Variants in KAZN observed in about 807,000 individuals in gnomAD.
The protein encoded by KAZN is kazrin, periplakin interacting protein, also known as kazrin.
A neutral mutation model predicts 87.4 loss-of-function variants in KAZN; 40 were observed. That is an observed-to-expected ratio of 0.46 (90% CI 0.36 to 0.60). The LOEUF is 0.60. Among genes scored for constraint, KAZN ranks in the 20% least tolerant of loss-of-function variants. The pLI, the probability that KAZN is intolerant of heterozygous loss-of-function variation, is 0.00. For missense variants in KAZN, 898 were observed against 1,073.9 expected, an observed-to-expected ratio of 0.84 and a Z score of 2.29; for synonymous variants, 466 against 458.3, an observed-to-expected ratio of 1.02 and a Z score of -0.22.
At chr1:14,763,753 T>C (rs888058099) in intron 1 of KAZN, among the ~76,000 whole-genome samples, 5 of 152,184 alleles carry the variant, frequency 3.3e-5, no homozygotes, top group African/African-American at 1.2e-4. Flanking sequence ...TTTTATTTTA[T>C]GTTATTTTTT....
chr1:14,233,961 T>C lies in KAZN; in HGVS notation c.249+53369T>C, dbSNP rs555860831. 2.0e-5 allele frequency among the ~76,000 whole-genome samples: 3 copies of C among 152,302 alleles called. No homozygotes were observed. In the South Asian group the frequency reaches 6.2e-4, roughly 32 times the overall value. On this transcript the variant is annotated intron_variant, in intron 2 of 16. Transcript: ENST00000636203. ...TTTACACTGTTAGTAGGAGTGTAAA[T>C]TAGTTCAACCATTGTGCAAGACAGT...
At chr1:14,389,848 CTA>C (rs913325925) in intron 2 of KAZN, among the ~76,000 whole-genome samples, 36 of 151,664 alleles carry the variant, frequency 2.4e-4, no homozygotes, top group African/African-American at 7.5e-4. Flanking sequence ...TTAAAAATAA[CTA>C]AAAGAGTAAA....
intron 1 of KAZN, among the ~76,000 whole-genome samples, chr1:14,868,581 G>T (rs1651792044): frequency 6.6e-6 from 1 of 151,794 alleles, no homozygotes; most frequent in Non-Finnish European, 1.5e-5. Flanking sequence ...GGGTGAACTG[G>T]AGTCTTGTAG....
intron 1 of KAZN, among the ~76,000 whole-genome samples, chr1:14,910,090 A>AATGAATGAATGAATGC (rs1557611657): frequency 6.6e-6 from 1 of 152,084 alleles, no homozygotes; most frequent in South Asian, 2.1e-4. Flanking sequence ...TGAATGAATG[A>AATGAATGAATGAATGC]ATGCCTGGCC....
chr1:14,232,456 C>G (rs764581198), intron 2 of KAZN, among the ~76,000 whole-genome samples: 9 of 152,152 alleles, frequency 5.9e-5, no homozygotes, highest in Non-Finnish European at 1.2e-4. Flanking sequence ...GAAGACCCTA[C>G]TCCATTTTCT....
Position 14,598,780 on chromosome 1 carries a change from C to T in KAZN, c.-218C>T, listed in dbSNP as rs990338333. The T allele has an allele frequency of 1.8e-4, 249 of 1,348,160 alleles. 2 individuals carry two copies. The East Asian group carries it at 7.5e-3, about 41-fold the overall frequency. The allele number at this position is 1,348,160 out of a possible 1,614,324, so 83.5% of individuals were successfully genotyped here. The stretch of plus-strand genomic sequence containing the variant: ...TCCTCTTTTTTCTCCTCCGCCTCCT[C>T]CCCCCGCCGCCTCGCCACCGCCGCG... On this transcript the variant is annotated 5_prime_UTR_variant, in exon 1 of 15. Coordinates refer to ENST00000376030, the MANE Select transcript of KAZN (RefSeq NM_201628.3). The surrounding 1 kb of genome is among the most constrained non-coding windows in gnomAD (Gnocchi z 4.2).
At chr1:13,970,155 AT>A (rs1642086349) in intron 1 of KAZN, among the ~76,000 whole-genome samples, 1 of 152,240 alleles carries the variant, frequency 6.6e-6, no homozygotes, top group Non-Finnish European at 1.5e-5. Context: ...TCAAATAAGT[AT>A]ATTCTTGGTT....
At chr1:14,833,350 G>T (rs1009679946) in intron 1 of KAZN, among the ~76,000 whole-genome samples, 1 of 152,204 alleles carries the variant, frequency 6.6e-6, no homozygotes, top group Admixed American at 6.5e-5. Flanking sequence ...GTGAGTACTT[G>T]ACCTTTATGC....
chr1:14,759,643 T>G (rs1644678130), intron 1 of KAZN, among the ~76,000 whole-genome samples: 1 of 152,130 alleles, frequency 6.6e-6, no homozygotes, highest in Middle Eastern at 3.2e-3. Context: ...ATCAGACGGC[T>G]TTAATATTTC....
intron 1 of KAZN, among the ~76,000 whole-genome samples, chr1:13,994,561 T>C (rs1639424018): frequency 6.6e-6 from 1 of 152,210 alleles, no homozygotes; most frequent in African/African-American, 2.4e-5. Flanking sequence ...TGCTGGAGCC[T>C]GGAATTTCAA....
intron 4 of KAZN, among the ~76,000 whole-genome samples, chr1:15,046,665 G>A (rs867023847): frequency 5.6e-4 from 86 of 152,344 alleles, no homozygotes; most frequent in African/African-American, 1.6e-3. Flanking sequence ...AGGACAGGCC[G>A]GGGCAGGATC....
intron 1 of KAZN, chr1:14,924,426 C>T: frequency 1.0e-6 from 1 of 988,100 alleles, no homozygotes; most frequent in Non-Finnish European, 1.2e-6. Flanking sequence ...CAGGGCGAGC[C>T]GGCGCCTTCC....
intron 1 of KAZN, among the ~76,000 whole-genome samples, chr1:13,900,068 A>G (rs1639190829): frequency 6.6e-6 from 1 of 152,194 alleles, no homozygotes; most frequent in African/African-American, 2.4e-5. Flanking sequence ...TGCTAGCATG[A>G]TGAAATGGTG....
chr1:14,842,789 A>G (rs980631432), intron 1 of KAZN, among the ~76,000 whole-genome samples: 3 of 152,218 alleles, frequency 2.0e-5, no homozygotes, highest in Admixed American at 2.0e-4. Context: ...CATGCACATA[A>G]TTTCAAAATC....
intron 2 of KAZN, among the ~76,000 whole-genome samples, chr1:14,516,126 G>A (rs377407151): frequency 2.8e-4 from 42 of 152,252 alleles, no homozygotes; most frequent in East Asian, 2.1e-3. Context: ...GCAGCAAGTC[G>A]AACGTAAATT....
At chr1:14,761,621 A>T (rs560783895) in intron 1 of KAZN, among the ~76,000 whole-genome samples, 4 of 152,346 alleles carry the variant, frequency 2.6e-5, no homozygotes, top group East Asian at 3.9e-4. Context: ...TCAAGTGATT[A>T]TCTTGGTTGT....
intron 1 of KAZN, among the ~76,000 whole-genome samples, chr1:14,753,171 G>T (rs1644461271): frequency 6.6e-6 from 1 of 152,144 alleles, no homozygotes; most frequent in African/African-American, 2.4e-5. Context: ...ATGCCTTCAT[G>T]CAACAAGCAT....
intron 1 of KAZN, among the ~76,000 whole-genome samples, chr1:14,878,684 G>T (rs900162237): frequency 6.6e-6 from 1 of 152,156 alleles, no homozygotes; most frequent in African/African-American, 2.4e-5. Flanking sequence ...CTCAGCTGGA[G>T]GGAGGCAGAG....
intron 2 of KAZN, among the ~76,000 whole-genome samples, chr1:14,489,508 C>T (rs371778990): frequency 1.3e-4 from 20 of 151,912 alleles, no homozygotes; most frequent in African/African-American, 4.4e-4. Context: ...CCAAGGCAGG[C>T]GGATCACTTG....
Sources: gnomAD v4.1 joint callset for allele counts (sites outside exome capture counted in the v4.1 genomes callset) on GRCh38, gnomAD v4.1.1 for gene constraint, Gnocchi (gnomAD v3.1) non-coding constraint, MANE v1.5 for transcripts, NCBI Gene and HGNC (gene_info 2026-07-23, HGNC 2026-07-21) for gene names.